The following ZEB1 variants were observed in gnomAD, a reference collection of about 807,000 sequenced individuals.
ZEB1 encodes zinc finger E-box-binding homeobox 1.
A neutral mutation model predicts 84.9 loss-of-function variants in ZEB1; 21 were observed. The ratio of observed to expected loss-of-function variants is 0.25; its 90% CI spans 0.18 to 0.36. The LOEUF is 0.36. Among genes scored for constraint, ZEB1 ranks in the 10% least tolerant of loss-of-function variants. ZEB1 has a pLI of 1.00. For synonymous variants in ZEB1, 420 were observed against 471.1 expected (o/e 0.89, Z 1.41); for missense variants, 1,104 against 1,330.2 (o/e 0.83, Z 2.65).
intron 1 of ZEB1, chr10:31,319,671 A>G: frequency 4.1e-6 from 1 of 243,638 alleles, no homozygotes; most frequent in Non-Finnish European, 7.8e-6. Flanking sequence ...TTCTTTCCGC[A>G]CTTTTCCCCA....
At chr10:31,347,697 A>G (rs2040554744) in intron 1 of ZEB1, among the ~76,000 whole-genome samples, 1 of 152,188 alleles carries the variant, frequency 6.6e-6, no homozygotes, top group South Asian at 2.1e-4. Context: ...TTATTATTGG[A>G]CATTTTGAAA....
intron 1 of ZEB1, among the ~76,000 whole-genome samples, chr10:31,335,149 A>C (rs1442637905): frequency 2.0e-5 from 3 of 152,132 alleles, no homozygotes; most frequent in Non-Finnish European, 4.4e-5. Context: ...GCTCAATCAC[A>C]GTCCGAAAAT....
chr10:31,452,734 TGTGTGTGTGAGA>T (rs1169146714), intron 1 of ZEB1, among the ~76,000 whole-genome samples: 70 of 111,038 alleles, frequency 6.3e-4, no homozygotes, highest in African/African-American at 3.3e-3. Flanking sequence ...TGTGTGTGTG[TGTGTGTGTGAGA>T]GAGAGAGAGA....
intron 1 of ZEB1, among the ~76,000 whole-genome samples, chr10:31,395,554 T>G (rs2050561957): frequency 6.6e-6 from 1 of 152,130 alleles, no homozygotes; most frequent in Non-Finnish European, 1.5e-5. Flanking sequence ...AAGTAAATAT[T>G]CATGAGATTT....
rs1175995936 is a variant in ZEB1 at position 31,407,102 on chromosome 10, A to AT, written c.59-53933dup. ...TAACTTCTTATTTATTTATTTATTTATTATTATTATACCTTAAGTTTTAGG... is the reference window on the plus strand; with the variant it reads ...TAACTTCTTATTTATTTATTTATTTATTTATTATTATACCTTAAGTTTTAGG... On this transcript the variant is annotated intron_variant, in intron 1 of 8. Coordinates refer to ENST00000424869, the MANE Select transcript of ZEB1 (RefSeq NM_001174096.2). Among the ~76,000 whole-genome samples the AT allele has an allele frequency of 6.6e-5, 10 of 150,738 alleles. No individual in the cohort carries two copies. In the East Asian group the frequency reaches 1.4e-3, roughly 20 times the overall value.
intron 2 of ZEB1, 131 bp downstream of exon 2, chr10:31,461,368 G>A: frequency 3.2e-6 from 3 of 924,210 alleles, no homozygotes; most frequent in South Asian, 1.6e-5. Context: ...AATATTAGGT[G>A]TCCTACTTAC....
At chr10:31,469,820 A>G (rs1347892393) in intron 2 of ZEB1, among the ~76,000 whole-genome samples, 1 of 152,202 alleles carries the variant, frequency 6.6e-6, no homozygotes, top group Non-Finnish European at 1.5e-5. Context: ...CCTGTCTGAC[A>G]GCTTTGAAGA....
chr10:31,321,500 G>A (rs761128008), intron 1 of ZEB1: 1 of 1,614,006 alleles, frequency 6.2e-7, no homozygotes, highest in Non-Finnish European at 8.5e-7. Flanking sequence ...ATATTGAGCT[G>A]TTGCCGCTGT....
chr10:31,510,195 G>A (rs2069723648), intron 4 of ZEB1, among the ~76,000 whole-genome samples: 1 of 152,100 alleles, frequency 6.6e-6, no homozygotes, highest in African/African-American at 2.4e-5. Flanking sequence ...TGATGATGAT[G>A]ACTTGGTAGT....
intron 1 of ZEB1, among the ~76,000 whole-genome samples, chr10:31,342,014 C>T (rs1301245490): frequency 6.6e-6 from 1 of 152,056 alleles, no homozygotes; most frequent in Non-Finnish European, 1.5e-5. Flanking sequence ...ATCAGCTGTG[C>T]CAAATATTGC....
chr10:31,357,602 A>T (rs1418933044), intron 1 of ZEB1, among the ~76,000 whole-genome samples: 2 of 152,188 alleles, frequency 1.3e-5, no homozygotes, highest in Non-Finnish European at 2.9e-5. Context: ...AATCAGGAAA[A>T]TATACAAAAA....
chr10:31,374,305 C>G (rs915782310), intron 1 of ZEB1, among the ~76,000 whole-genome samples: 1 of 151,724 alleles, frequency 6.6e-6, no homozygotes, highest in Non-Finnish European at 1.5e-5. Context: ...ACAAACATAT[C>G]AGGAAGAGCT....
At chr10:31,456,069 A>C (rs1250444168) in intron 1 of ZEB1, among the ~76,000 whole-genome samples, 1 of 152,242 alleles carries the variant, frequency 6.6e-6, no homozygotes, top group Middle Eastern at 3.2e-3. Context: ...ATGAAATACT[A>C]TGCAGCCCTA....
Position 31,487,539 on chromosome 10 carries a change from CT to C in ZEB1, c.260-8233del, listed in dbSNP as rs1432449551. Among the ~76,000 whole-genome samples the C allele has an allele frequency of 1.3e-5, 2 of 151,130 alleles. 1 individual carries two copies. Among genetic ancestry groups the C allele is most frequent in the East Asian group, 3.9e-4 (2 of 5,160 alleles). Reference sequence around the variant, plus strand: ...ACTGTGAATGGCTTGAAGTTTTTTTCTTTTAATTTGGTTTCCAGTTCATTGC... The same window carrying C: ...ACTGTGAATGGCTTGAAGTTTTTTTCTTTAATTTGGTTTCCAGTTCATTGC... On this transcript the variant is annotated intron_variant, in intron 2 of 8. Coordinates refer to ENST00000424869, the MANE Select transcript of ZEB1 (RefSeq NM_001174096.2).
chr10:31,446,062 G>A (rs1405442650), intron 1 of ZEB1, among the ~76,000 whole-genome samples: 1 of 144,128 alleles, frequency 6.9e-6, no homozygotes, highest in Non-Finnish European at 1.5e-5. Flanking sequence ...CTTTTTGGTT[G>A]GTAAACTATT....
At chr10:31,501,854 T>A (rs1411062842) in intron 3 of ZEB1, among the ~76,000 whole-genome samples, 1 of 152,194 alleles carries the variant, frequency 6.6e-6, no homozygotes, top group East Asian at 1.9e-4. Context: ...ATTATTCTTC[T>A]TGTACTGTAT....
At position 31,489,308 on chromosome 10, in the gene ZEB1, T is replaced by C. The variant is rs1361069628; in HGVS notation, c.260-6468T>C. Among the ~76,000 whole-genome samples the C allele has an allele frequency of 2.6e-5, 4 of 151,434 alleles. No homozygotes were observed. In the East Asian group the frequency reaches 7.7e-4, roughly 29 times the overall value. On this transcript the variant is annotated intron_variant, in intron 2 of 8. Coordinates refer to ENST00000424869, the MANE Select transcript of ZEB1 (RefSeq NM_001174096.2). ...GCTAGCTTTCTTCTGGTTAATGATA[T>C]AATTTTTCATGATAGAATTTTTTAT...
Position 31,521,564 on chromosome 10 carries a change from G to A in ZEB1, c.2232G>A (p.Gln744=). The part of the protein sequence containing the change: ...EPLDLSLPKQ[Q]GELLERSTIT... Reference sequence around the variant, plus strand: ...TTGATCTTTCACTACCAAAGCAACAGGGAGAATTATTAGAAAGGTCAACTA... The same window carrying A: ...TTGATCTTTCACTACCAAAGCAACAAGGAGAATTATTAGAAAGGTCAACTA... Residue 744 remains glutamine, a synonymous_variant, in exon 7 of 9, where the codon CAG becomes CAA. Coordinates refer to ENST00000424869, the MANE Select transcript of ZEB1 (RefSeq NM_001174096.2). 1 of 1,614,048 alleles carries A rather than the reference G, an allele frequency of 6.2e-7. No homozygotes were observed. Among genetic ancestry groups the A allele is most frequent in the Non-Finnish European group, 8.5e-7 (1 of 1,180,006 alleles).
intron 1 of ZEB1, among the ~76,000 whole-genome samples, chr10:31,351,112 C>T (rs543014433): frequency 6.6e-6 from 1 of 152,274 alleles, no homozygotes; most frequent in East Asian, 1.9e-4. Flanking sequence ...ATAGTTTCAA[C>T]CTCAGTGTTA....
Sources: allele counts gnomAD v4.1 joint callset (sites outside exome capture counted in the v4.1 genomes callset), GRCh38; gene constraint gnomAD v4.1.1; transcripts MANE v1.5; gene names NCBI Gene and HGNC (gene_info 2026-07-23, HGNC 2026-07-21).